The following SLF2 variants were observed in gnomAD, a reference collection of about 807,000 sequenced individuals.
The protein encoded by SLF2 is SMC5-SMC6 complex localization factor protein 2.
Under a neutral mutation model 124.3 loss-of-function variants are expected in SLF2, and 68 were observed. That is an observed-to-expected ratio of 0.55 (90% CI 0.45 to 0.67). The LOEUF (loss-of-function observed/expected upper bound fraction) is 0.67, where lower values mean the gene tolerates loss of function less well. SLF2 is among the 30% of genes least tolerant of loss of function. The pLI is 0.00. For missense variants in SLF2, 1,246 were observed against 1,373.7 expected, an observed-to-expected ratio of 0.91 and a Z score of 1.47; for synonymous variants, 480 against 478.8, an observed-to-expected ratio of 1.00 and a Z score of -0.03.
intron 9 of SLF2, among the ~76,000 whole-genome samples, chr10:100,932,706 TGTGTGTGTGTGTGTGCGC>T (rs1849763649): frequency 1.2e-5 from 1 of 82,422 alleles, no homozygotes; most frequent in Non-Finnish European, 2.9e-5. Flanking sequence ...TGTGTGTGTG[TGTGTGTGTGTGTGTGCGC>T]GCGCGCGCGC....
At position 100,916,818 on chromosome 10, in the gene SLF2, A is replaced by C; in HGVS notation, c.433A>C (p.Lys145Gln). Residue 145 changes from lysine to glutamine, a missense_variant, in exon 3 of 20, where the codon AAA (lysine) becomes CAA (glutamine). Lys to Gln is a moderately conservative substitution (Grantham distance 53). Coordinates refer to ENST00000238961, the MANE Select transcript of SLF2 (RefSeq NM_018121.4). ...CLSLASKYLA[K>Q]GTNIYVPSSY... is the part of the protein sequence containing the mutation. ...GTCACTAGCCTCCAAATATTTAGCC[A>C]AAGGAACAAATATCTATGTTCCTTC... 6.2e-7 allele frequency: 1 copy of C among 1,614,118 alleles called. No homozygotes were observed. The highest frequency in any genetic ancestry group is 8.5e-7 in the Non-Finnish European group (1 of 1,180,022).
At chr10:100,939,378 T>TA (rs1017422594) in intron 11 of SLF2, among the ~76,000 whole-genome samples, 255 of 130,550 alleles carry the variant, frequency 2.0e-3, no homozygotes, top group Non-Finnish European at 2.5e-3. Flanking sequence ...ACCTTGTCTT[T>TA]AAAAAAAAAA....
intron 6 of SLF2, among the ~76,000 whole-genome samples, chr10:100,927,021 AT>A (rs2133773607): frequency 6.6e-6 from 1 of 152,216 alleles, no homozygotes; most frequent in East Asian, 1.9e-4. Flanking sequence ...CTTTCTGTTT[AT>A]TACAACTAGT....
At chr10:100,955,699 G>A (rs2133829134) in intron 17 of SLF2, among the ~76,000 whole-genome samples, 1 of 152,242 alleles carries the variant, frequency 6.6e-6, no homozygotes, top group South Asian at 2.1e-4. Flanking sequence ...CCTGAGGTTA[G>A]GAGTTTGAGA....
intron 6 of SLF2, among the ~76,000 whole-genome samples, chr10:100,926,923 A>T (rs1201674690): frequency 6.6e-6 from 1 of 151,372 alleles, no homozygotes; most frequent in Non-Finnish European, 1.5e-5. Flanking sequence ...AAAAAAAAAA[A>T]GGGAATAAGA....
At chr10:100,961,745 A>G (rs1850430635) in intron 19 of SLF2, 132 bp from the exon 20 acceptor site, 2 of 673,310 alleles carry the variant, frequency 3.0e-6, no homozygotes, top group African/African-American at 3.6e-5. Context: ...AAATTTTCAG[A>G]GAAGTCAATA....
intron 17 of SLF2, among the ~76,000 whole-genome samples, chr10:100,954,711 G>C (rs944596967): frequency 1.3e-5 from 2 of 152,102 alleles, no homozygotes; most frequent in African/African-American, 4.8e-5. Flanking sequence ...GGGAAGCAGA[G>C]ACAGGAGGAT....
intron 13 of SLF2, among the ~76,000 whole-genome samples, chr10:100,946,617 A>G (rs1417373480): frequency 1.3e-5 from 2 of 151,960 alleles, no homozygotes; most frequent in Non-Finnish European, 2.9e-5. Flanking sequence ...TTGAGCCACC[A>G]CACCTGGCCA....
At chr10:100,940,007 C>T (rs1173657488) in intron 11 of SLF2, among the ~76,000 whole-genome samples, 2 of 152,136 alleles carry the variant, frequency 1.3e-5, no homozygotes, top group East Asian at 1.9e-4. Context: ...ATCCAAAAAT[C>T]CCAACTATTT....
chr10:100,960,998 C>A (rs1287095157), intron 19 of SLF2, among the ~76,000 whole-genome samples: 2 of 61,404 alleles, frequency 3.3e-5, no homozygotes, highest in African/African-American at 6.7e-5. Context: ...TTCTGTACTT[C>A]TTTTTTTTTT....
chr10:100,913,557 C>G, intron 1 of SLF2: 1 of 1,224,076 alleles, frequency 8.2e-7, no homozygotes, highest in Non-Finnish European at 1.0e-6. Context: ...ACCCTAACTG[C>G]TTAATGCATA....
Position 100,930,821 on chromosome 10 carries a change from G to A in SLF2, c.2334-155G>A, listed in dbSNP as rs188853934. 1.4e-3 allele frequency among the ~76,000 whole-genome samples: 218 copies of A among 152,290 alleles called. 1 individual carries two copies. The highest frequency in any genetic ancestry group is 2.7e-3 in the Non-Finnish European group (184 of 68,028). On this transcript the variant is annotated intron_variant, in intron 8 of 19. Coordinates refer to ENST00000238961, the MANE Select transcript of SLF2 (RefSeq NM_018121.4). ...AGGCCATCAATTAAATTTATTTTAT[G>A]AGTAACTCATCCATATTGGTATAGA...
intron 11 of SLF2, among the ~76,000 whole-genome samples, chr10:100,938,999 A>G (rs1484133480): frequency 1.3e-5 from 2 of 152,166 alleles, no homozygotes; most frequent in Admixed American, 1.3e-4. Flanking sequence ...GTTTTGGTGG[A>G]AGTATTGGCC....
rs779446415 is a variant in SLF2, at chr10:100,924,962, C to G, written c.1961C>G (p.Ser654Ter). 6.2e-7 allele frequency: 1 copy of G among 1,611,070 alleles called. No homozygotes were observed. The highest frequency in any genetic ancestry group is 8.5e-7 in the Non-Finnish European group (1 of 1,179,050). ...TCCAAGGGGCTTAGATCTCAGTCAT[C>G]AGACTATACAGTAAGTAGTTCTGTG... Reference protein sequence around the residue: ...ALSKGLRSQSSDYTGHVHPGT... With the variant: ...ALSKGLRSQS The change falls in exon 5 of 20, where the codon TCA becomes TGA. Residue 654 changes from serine to a stop codon, truncating the protein, a stop_gained. Transcript: ENST00000238961. LOFTEE classifies it high-confidence loss of function.
At chr10:100,921,346 T>C (rs1274604889) in intron 4 of SLF2, among the ~76,000 whole-genome samples, 1 of 152,232 alleles carries the variant, frequency 6.6e-6, no homozygotes, top group Admixed American at 6.5e-5. Flanking sequence ...CCTCCCAAAG[T>C]GCTGGGATTA....
chr10:100,923,828 C>T (rs1036012408), intron 4 of SLF2, 147 bp from the exon 5 acceptor site: 48 of 534,968 alleles, frequency 9.0e-5, no homozygotes, highest in Middle Eastern at 5.3e-4. Flanking sequence ...ATAAGTAACT[C>T]TTTTTCTGCA....
intron 1 of SLF2, 141 bp from the exon 2 acceptor site, chr10:100,915,858 A>T: frequency 1.5e-6 from 1 of 649,150 alleles, no homozygotes; most frequent in Non-Finnish European, 2.7e-6. Flanking sequence ...AGTTTAGCAA[A>T]GCATTGTTAC....
Position 100,916,671 on chromosome 10 carries a change from C to G in SLF2, c.286C>G (p.Pro96Ala). The stretch of plus-strand genomic sequence containing the variant: ...GCAGTTTGAAAGGAAACTATCCTCA[C>G]CAAAAGAATCTAAACCCAAAAGGGT... Reference protein sequence around the residue: ...TEQFERKLSSPKESKPKRVPP... With the variant: ...TEQFERKLSSAKESKPKRVPP... The change falls in exon 3 of 20, where the codon CCA becomes GCA. Residue 96 changes from proline to alanine, a missense_variant. Physicochemically the swap from Pro to Ala is conservative, Grantham distance 27 (BLOSUM62 -1). Around this residue, in one of 3 missense-constraint regions of SLF2, gnomAD observed 698 missense variants for 708.9 expected, o/e 0.98. Transcript: ENST00000238961. 1 of 1,533,922 alleles carries G rather than the reference C, an allele frequency of 6.5e-7. No individual in the cohort carries two copies. The highest frequency in any genetic ancestry group is 1.3e-5 in the South Asian group (1 of 74,656).
At position 100,931,759 on chromosome 10, in the gene SLF2, C is replaced by T. The variant is rs772878141; in HGVS notation, c.2436+681C>T. Among the ~76,000 whole-genome samples the T allele has an allele frequency of 3.9e-5, 6 of 152,058 alleles. No individual in the cohort carries two copies. The East Asian group carries it at 5.8e-4, about 15-fold the overall frequency. On this transcript the variant is annotated intron_variant, in intron 9 of 19. Coordinates refer to ENST00000238961, the MANE Select transcript of SLF2 (RefSeq NM_018121.4). ...CTGCAATCCCAGCACTTTGGGAGGC[C>T]GAGGCAGGTGGATCATGAGGTCAGG...
Sources: gnomAD v4.1 joint callset for allele counts (sites outside exome capture counted in the v4.1 genomes callset) on GRCh38, gnomAD v4.1.1 for gene constraint, gnomAD v4.1.1 regional missense constraint, MANE v1.5 for transcripts, NCBI Gene and HGNC (gene_info 2026-07-23, HGNC 2026-07-21) for gene names.